Variants in LPIN2 observed in about 807,000 individuals in gnomAD.
LPIN2 encodes the protein lipin 2.
A neutral mutation model predicts 111.4 loss-of-function variants in LPIN2; 55 were observed. The observed-to-expected ratio is 0.49, with a 90% confidence interval of 0.40 to 0.62. The LOEUF (loss-of-function observed/expected upper bound fraction) is 0.62. LPIN2 is among the 20% of genes least tolerant of loss of function. The pLI is 0.00. For synonymous variants in LPIN2, 425 were observed against 414.0 expected (o/e 1.03, Z -0.32); for missense variants, 992 against 1,112.1 (o/e 0.89, Z 1.54).
chr18:2,920,398 G>GTC lies in LPIN2; in HGVS notation c.2585_2586insGA (p.Leu863ThrfsTer137). 1 of 1,613,962 alleles carries GTC rather than the reference G, an allele frequency of 6.2e-7. No homozygotes were observed. Among genetic ancestry groups the GTC allele is most frequent in the Middle Eastern group, 1.6e-4 (1 of 6,062 alleles). On this transcript the variant is annotated frameshift_variant, in exon 20 of 20. Coordinates refer to ENST00000677752, the MANE Select transcript of LPIN2 (RefSeq NM_001375808.2). LOFTEE classifies it high-confidence loss of function. Reference sequence around the variant, plus strand: ...CGGAATTCTGCTCCTTACTGAGAAGGGGGAACACATGCTCCACGAGCTCAC... The same window carrying GTC: ...CGGAATTCTGCTCCTTACTGAGAAGGTCGGGAACACATGCTCCACGAGCTCAC...
At chr18:2,959,984 C>A (rs964154475) in intron 2 of LPIN2, among the ~76,000 whole-genome samples, 4 of 152,066 alleles carry the variant, frequency 2.6e-5, no homozygotes, top group Non-Finnish European at 2.9e-5. Context: ...GCCTAGCCAA[C>A]AAGGTGAAAC....
rs976701429 is a variant in LPIN2, at chr18:2,919,930, G to A, written c.*363C>T. Reference sequence around the variant, plus strand: ...CACCTCAACTGCCCAGTGGAAACTGGAACACTTCACTGTGTGCAGTGTTTT... The same window carrying A: ...CACCTCAACTGCCCAGTGGAAACTGAAACACTTCACTGTGTGCAGTGTTTT... On this transcript the variant is annotated 3_prime_UTR_variant, in exon 20 of 20. Transcript: ENST00000677752. 3 of 345,542 alleles carry A rather than the reference G, an allele frequency of 8.7e-6. No homozygotes were observed. Among genetic ancestry groups the A allele is most frequent in the South Asian group, 2.6e-5 (1 of 39,188 alleles). The allele number at this position is 345,542 out of a possible 1,614,324, so 21.4% of individuals were successfully genotyped here.
chr18:2,920,310 G>C lies in LPIN2; in HGVS notation c.2674C>G (p.Leu892Val). ...GTGCCGCCTCAAGACAGGTCATCCA[G>C]GTCCACTTCAGGGATCGGGTCTCGC... ...YWRDPIPEVDLDDLS is the reference protein window; with the variant it reads ...YWRDPIPEVDVDDLS The change falls in exon 20 of 20, where the codon CTG (leucine) becomes GTG (valine). Residue 892 changes from leucine (L) to valine (V), a missense_variant. By Grantham distance (32) the Leu-to-Val change is conservative (BLOSUM62 1). Coordinates refer to ENST00000677752, the MANE Select transcript of LPIN2 (RefSeq NM_001375808.2). 2 of 1,614,180 alleles carry C rather than the reference G, an allele frequency of 1.2e-6. No individual in the cohort carries two copies. Among genetic ancestry groups the C allele is most frequent in the Non-Finnish European group, 1.7e-6 (2 of 1,180,042 alleles).
chr18:2,946,587 G>A (rs1333544423), intron 4 of LPIN2: 3 of 985,276 alleles, frequency 3.0e-6, no homozygotes, highest in Non-Finnish European at 4.9e-6. Context: ...ACAGCAAGAG[G>A]ATGCGTTAGC....
intron 1 of LPIN2, among the ~76,000 whole-genome samples, chr18:3,004,733 G>A (rs16944191): frequency 0.028 from 4,326 of 152,206 alleles, 187 homozygotes; most frequent in African/African-American, 0.098. Flanking sequence ...TTCCTATCAG[G>A]ATGAGCCCGA....
intron 1 of LPIN2, among the ~76,000 whole-genome samples, chr18:2,999,736 C>A (rs2078402466): frequency 6.6e-6 from 1 of 152,042 alleles, no homozygotes; most frequent in Admixed American, 6.5e-5. Context: ...CTGCCAGCAA[C>A]CCACCAGCAG....
intron 1 of LPIN2, among the ~76,000 whole-genome samples, chr18:2,991,701 G>A (rs1266307134): frequency 6.6e-6 from 1 of 151,912 alleles, no homozygotes; most frequent in Non-Finnish European, 1.5e-5. Flanking sequence ...ACCAGAATGA[G>A]GGCCTGTCTC....
At chr18:3,012,674 C>G (rs1567871727) in intron 1 of LPIN2, among the ~76,000 whole-genome samples, 1 of 152,158 alleles carries the variant, frequency 6.6e-6, no homozygotes, top group Non-Finnish European at 1.5e-5. Context: ...GACGCGGCCT[C>G]CCGCGCGCCT....
intron 2 of LPIN2, among the ~76,000 whole-genome samples, chr18:2,959,642 CA>C: frequency 6.6e-6 from 1 of 152,268 alleles, no homozygotes; most frequent in South Asian, 2.1e-4. Context: ...GCAAAACTTC[CA>C]GCTGCTCCAT....
chr18:2,987,863 A>C (rs1309328317), intron 1 of LPIN2, among the ~76,000 whole-genome samples: 1 of 151,980 alleles, frequency 6.6e-6, no homozygotes, highest in Non-Finnish European at 1.5e-5. Flanking sequence ...ACACAGTGAA[A>C]CCTCATCTCT....
Position 2,923,867 on chromosome 18 carries a change from A to G in LPIN2, c.2088-6T>C, listed in dbSNP as rs777913217. The G allele has an allele frequency of 6.2e-7, 1 of 1,612,806 alleles. No individual in the cohort carries two copies. The highest frequency in any genetic ancestry group is 1.1e-5 in the South Asian group (1 of 91,068). On this transcript the variant is annotated splice_polypyrimidine_tract_variant and splice_region_variant and intron_variant, in intron 15 of 19. Transcript: ENST00000677752. ...TCTGTCCCAAAGCATCCGACCTAAGAAGACGGTAGAAACAGGAAAAGCTAT... is the reference window on the plus strand; with the variant it reads ...TCTGTCCCAAAGCATCCGACCTAAGGAGACGGTAGAAACAGGAAAAGCTAT...
intron 1 of LPIN2, among the ~76,000 whole-genome samples, chr18:2,985,632 A>G (rs1015835187): frequency 6.6e-6 from 1 of 152,170 alleles, no homozygotes; most frequent in African/African-American, 2.4e-5. Context: ...TGTTTTTTCT[A>G]CTACTAATCC....
chr18:2,944,645 C>T (rs1306492984), intron 4 of LPIN2, among the ~76,000 whole-genome samples: 1 of 152,110 alleles, frequency 6.6e-6, no homozygotes, highest in African/African-American at 2.4e-5. Flanking sequence ...CCACCGCGCC[C>T]GGCCTCCACA....
intron 1 of LPIN2, among the ~76,000 whole-genome samples, chr18:3,005,078 G>A (rs140182975): frequency 0.014 from 2,161 of 152,290 alleles, 69 homozygotes; most frequent in African/African-American, 0.048. Context: ...AGCCAGGTGC[G>A]GTGGCTCATA....
chr18:2,937,761 C>T lies in LPIN2; in HGVS notation c.1099G>A (p.Ala367Thr), dbSNP rs540544894. 4.6e-5 allele frequency: 75 copies of T among 1,614,068 alleles called. 1 individual carries two copies. Among genetic ancestry groups the T allele is most frequent in the East Asian group, 4.0e-4 (18 of 44,870 alleles). ...TCTGAGGGCGCCTCCGCTAAGGCTG[C>T]GTTGGGAAGGTGGTCAGCATCTAAC... is the stretch of plus-strand genomic sequence containing the variant. ...SMLDADHLPN[A>T]ALAEAPSESK... The change falls in exon 7 of 20, where the codon GCA (alanine) becomes ACA (threonine). Residue 367 changes from alanine to threonine, a missense_variant. By Grantham distance (58) the Ala-to-Thr change is moderately conservative (BLOSUM62 0). Transcript: ENST00000677752.
At chr18:2,962,185 G>GTAC (rs1568577706) in intron 1 of LPIN2, among the ~76,000 whole-genome samples, 1 of 151,914 alleles carries the variant, frequency 6.6e-6, no homozygotes. Context: ...GCGGATGAAT[G>GTAC]TGTAATCAAG....
At chr18:2,970,338 C>T (rs1030849107) in intron 1 of LPIN2, among the ~76,000 whole-genome samples, 1 of 152,222 alleles carries the variant, frequency 6.6e-6, no homozygotes, top group South Asian at 2.1e-4. Context: ...TTGGTATCTG[C>T]TGGCTGACAG....
Position 2,989,243 on chromosome 18 carries a change from T to G in LPIN2, c.-10+23844A>C, listed in dbSNP as rs1396991348. On this transcript the variant is annotated intron_variant, in intron 1 of 19. Transcript: ENST00000677752. Reference sequence around the variant, plus strand: ...ACAGTACCTTCTTAGACTCATTATTTAAGCTGAAATTCAGATTTACTATGC... The same window carrying G: ...ACAGTACCTTCTTAGACTCATTATTGAAGCTGAAATTCAGATTTACTATGC... 2.6e-5 allele frequency among the ~76,000 whole-genome samples: 4 copies of G among 152,176 alleles called. No individual in the cohort carries two copies. In the East Asian group the frequency reaches 7.7e-4, roughly 29 times the overall value.
Position 2,927,735 on chromosome 18 carries a change from C to T in LPIN2, c.1697G>A (p.Ser566Asn). 1 of 1,614,208 alleles carries T rather than the reference C, an allele frequency of 6.2e-7. No homozygotes were observed. Among genetic ancestry groups the T allele is most frequent in the Non-Finnish European group, 8.5e-7 (1 of 1,180,026 alleles). The part of the protein sequence containing the change: ...GRWWFWRKRE[S>N]MTKQLPESKE... The stretch of plus-strand genomic sequence containing the variant: ...TAGGTCTGTTACCTGTTTGGTCATG[C>T]TTTCTCTCTTTCGCCAAAACCACCA... Residue 566 changes from serine to asparagine, a missense_variant, in exon 12 of 20, where the codon AGC (serine) becomes AAC (asparagine). Ser to Asn is a conservative substitution (Grantham distance 46, BLOSUM62 1). Coordinates refer to ENST00000677752, the MANE Select transcript of LPIN2 (RefSeq NM_001375808.2).
Sources: gnomAD v4.1 joint callset for allele counts (sites outside exome capture counted in the v4.1 genomes callset) on GRCh38, gnomAD v4.1.1 for gene constraint, MANE v1.5 for transcripts, NCBI Gene and HGNC (gene_info 2026-07-23, HGNC 2026-07-21) for gene names.